Variants in MGST2 observed in about 807,000 individuals in gnomAD.
The protein encoded by MGST2 is microsomal glutathione S-transferase 2, also known as glutathione peroxidase MGST2.
Under a neutral mutation model 16.6 loss-of-function variants are expected in MGST2, and 9 were observed. The ratio of observed to expected loss-of-function variants is 0.54; its 90% CI spans 0.33 to 0.95. The LOEUF is 0.95. Ranked by LOEUF, MGST2 falls within the 40% of genes least tolerant of loss-of-function variation. MGST2 has a pLI of 0.03. For synonymous variants in MGST2, 79 were observed against 68.0 expected (o/e 1.16, Z -0.79); for missense variants, 159 against 175.1 (o/e 0.91, Z 0.52).
chr4:139,710,408 G>A (rs1579342385), intron 5 of MGST2, among the ~76,000 whole-genome samples: 1 of 152,224 alleles, frequency 6.6e-6, no homozygotes, highest in South Asian at 2.1e-4. Flanking sequence ...CATTTGAAAA[G>A]AGAAAGGTAT....
chr4:139,732,418 A>C (rs1240829724), intron 5 of MGST2, among the ~76,000 whole-genome samples: 1 of 152,136 alleles, frequency 6.6e-6, no homozygotes, highest in Non-Finnish European at 1.5e-5. Context: ...CCCTCCAAAC[A>C]AAACAAAACA....
intron 5 of MGST2, chr4:139,719,244 A>G: frequency 6.8e-7 from 1 of 1,477,862 alleles, no homozygotes; most frequent in Non-Finnish European, 9.0e-7. Context: ...ACAAAAAACA[A>G]GGATGGGTCA....
the MGST2 span, among the ~76,000 whole-genome samples, chr4:139,753,361 T>TATC: frequency 6.6e-6 from 1 of 152,022 alleles, no homozygotes; most frequent in Admixed American, 6.6e-5. Flanking sequence ...TCTATCTATC[T>TATC]ATCTATCTAT....
chr4:139,686,319 C>G (rs914791480), intron 2 of MGST2, among the ~76,000 whole-genome samples: 1 of 152,132 alleles, frequency 6.6e-6, no homozygotes, highest in Admixed American at 6.5e-5. Context: ...GCAGAGGAAG[C>G]CTTCAGATGG....
At chr4:139,723,942 G>T (rs891775612) in intron 5 of MGST2, among the ~76,000 whole-genome samples, 3 of 152,206 alleles carry the variant, frequency 2.0e-5, no homozygotes, top group African/African-American at 7.2e-5. Context: ...AGCTCCGCTG[G>T]TGCTTTCAGT....
intron 2 of MGST2, among the ~76,000 whole-genome samples, chr4:139,680,033 C>G (rs578042158): frequency 6.6e-6 from 1 of 152,288 alleles, no homozygotes; most frequent in African/African-American, 2.4e-5. Flanking sequence ...TTTTTGATTA[C>G]TACTTTGGGT....
At chr4:139,725,039 G>A (rs1263806437) in intron 5 of MGST2, among the ~76,000 whole-genome samples, 4 of 152,152 alleles carry the variant, frequency 2.6e-5, no homozygotes, top group Admixed American at 2.0e-4. Flanking sequence ...GATTATAGGC[G>A]TGAGCCACCG....
intron 1 of MGST2, among the ~76,000 whole-genome samples, chr4:139,672,022 C>G (rs996617171): frequency 2.0e-5 from 3 of 152,140 alleles, no homozygotes; most frequent in African/African-American, 7.2e-5. Flanking sequence ...GCTTCTATCC[C>G]TTGGGGCTGG....
At chr4:139,724,862 G>A (rs892780480) in intron 5 of MGST2, among the ~76,000 whole-genome samples, 4 of 150,854 alleles carry the variant, frequency 2.7e-5, no homozygotes, top group East Asian at 2.0e-4. Flanking sequence ...GGGTTCAAGC[G>A]ATTCTTGTGC....
At chr4:139,738,059 T>C (rs952690760) in intron 5 of MGST2, among the ~76,000 whole-genome samples, 7 of 152,288 alleles carry the variant, frequency 4.6e-5, no homozygotes, top group Non-Finnish European at 7.4e-5. Flanking sequence ...ACAGTGTACA[T>C]TGGGGGAACC....
At position 139,730,669 on chromosome 4, in the gene MGST2, T is replaced by C. The variant is rs765376089; in HGVS notation, c.*49-9543T>C. 7.5e-6 allele frequency: 12 copies of C among 1,610,532 alleles called. No individual in the cohort carries two copies. Among genetic ancestry groups the C allele is most frequent in the African/African-American group, 1.3e-5 (1 of 74,892 alleles). ...GGGAAGTCCAACTGGATGCTGCTCC[T>C]GGGAAGACAAGAGAGAGGGAGATGC... On this transcript the variant is annotated intron_variant, in intron 5 of 5. Coordinates refer to the MGST2 transcript ENST00000616265.
chr4:139,724,760 A>G (rs550102162), intron 5 of MGST2, among the ~76,000 whole-genome samples: 1 of 146,054 alleles, frequency 6.8e-6, no homozygotes, highest in East Asian at 2.0e-4. Flanking sequence ...CACCCCATAT[A>G]AGACCCTCAA....
chr4:139,692,629 T>C (rs528220758), intron 2 of MGST2, among the ~76,000 whole-genome samples: 1 of 152,374 alleles, frequency 6.6e-6, no homozygotes, highest in African/African-American at 2.4e-5. Context: ...ATGAGGACGA[T>C]CCGTCAGCAT....
intron 2 of MGST2, among the ~76,000 whole-genome samples, chr4:139,689,329 A>G (rs1726436067): frequency 6.6e-6 from 1 of 152,104 alleles, no homozygotes; most frequent in African/African-American, 2.4e-5. Context: ...AGCACCACTG[A>G]AGGGCAGTGG....
intron 5 of MGST2, among the ~76,000 whole-genome samples, chr4:139,728,101 G>C (rs112585489): frequency 0.061 from 9,323 of 152,208 alleles, 398 homozygotes; most frequent in East Asian, 0.097. Flanking sequence ...TGTGGTCCCA[G>C]CTATTCTGGA....
intron 2 of MGST2, among the ~76,000 whole-genome samples, chr4:139,689,080 C>G (rs925041208): frequency 3.7e-5 from 5 of 135,204 alleles, no homozygotes; most frequent in Admixed American, 3.5e-4. Context: ...GCACTCCAGC[C>G]TGGGTGACAG....
chr4:139,724,758 A>G (rs148928197), intron 5 of MGST2, among the ~76,000 whole-genome samples: 24 of 147,980 alleles, frequency 1.6e-4, no homozygotes, highest in African/African-American at 5.7e-4. Context: ...TTCACCCCAT[A>G]TAAGACCCTC....
chr4:139,694,465 C>G (rs537977670), intron 2 of MGST2, among the ~76,000 whole-genome samples: 2 of 152,190 alleles, frequency 1.3e-5, no homozygotes, highest in East Asian at 3.9e-4. Context: ...TAACCAAGAT[C>G]ACTTGGAGTT....
At chr4:139,703,789 G>A (rs549117154) in intron 4 of MGST2, among the ~76,000 whole-genome samples, 7 of 152,322 alleles carry the variant, frequency 4.6e-5, no homozygotes, top group East Asian at 1.9e-4. Flanking sequence ...GAAAGTTACC[G>A]AGGAAATAAT....
Sources: gnomAD v4.1 joint callset for allele counts (sites outside exome capture counted in the v4.1 genomes callset) on GRCh38, gnomAD v4.1.1 for gene constraint, MANE v1.5 for transcripts, NCBI Gene and HGNC (gene_info 2026-07-23, HGNC 2026-07-21) for gene names.